MAF: variants seen among roughly 807,000 people sequenced by gnomAD.
The protein encoded by MAF is MAF bZIP transcription factor.
MAF carries 10 observed loss-of-function variants against 22.0 expected under a neutral mutation model. That is an observed-to-expected ratio of 0.45 (90% confidence interval 0.28 to 0.77). The LOEUF is 0.77. Ranked by LOEUF, MAF falls within the 30% of genes least tolerant of loss-of-function variation. MAF has a pLI of 0.12. For missense variants in MAF, 544 were observed against 548.4 expected, an observed-to-expected ratio of 0.99 and a Z score of 0.08; for synonymous variants, 337 against 255.8, an observed-to-expected ratio of 1.32 and a Z score of -3.03.
chr16:79,336,274 C>G, the MAF span, among the ~76,000 whole-genome samples: 1 of 152,334 alleles, frequency 6.6e-6, no homozygotes, highest in African/African-American at 2.4e-5. Flanking sequence ...TTCTTTTGAG[C>G]TTCACAACCA....
chr16:79,317,946 TCA>T, the MAF span, among the ~76,000 whole-genome samples: 1 of 151,372 alleles, frequency 6.6e-6, no homozygotes, highest in Non-Finnish European at 1.5e-5. Flanking sequence ...ACTCACTCAC[TCA>T]CTCACTCACT....
chr16:79,359,992 T>A, the MAF span, among the ~76,000 whole-genome samples: 2 of 152,088 alleles, frequency 1.3e-5, no homozygotes, highest in South Asian at 4.2e-4. Context: ...AGTATTGTTC[T>A]GAGTAGGACC....
chr16:79,292,700 G>A, the MAF span, among the ~76,000 whole-genome samples: 7 of 152,146 alleles, frequency 4.6e-5, no homozygotes, highest in Non-Finnish European at 1.0e-4. Context: ...TGAGATACAA[G>A]GTTAGCACAA....
chr16:79,401,189 C>A, the MAF span, among the ~76,000 whole-genome samples: 1 of 152,234 alleles, frequency 6.6e-6, no homozygotes, highest in African/African-American at 2.4e-5. Context: ...ACTGCCTATT[C>A]TCCCGCGTGG....
the MAF span, among the ~76,000 whole-genome samples, chr16:79,543,096 G>A: frequency 8.5e-5 from 13 of 152,196 alleles, no homozygotes; most frequent in African/African-American, 2.4e-4. Context: ...ATCATTTTGA[G>A]TTTTGCATTT....
chr16:79,475,162 C>A, the MAF span, among the ~76,000 whole-genome samples: 27 of 152,180 alleles, frequency 1.8e-4, no homozygotes, highest in African/African-American at 6.5e-4. Context: ...ATAATAAACA[C>A]AAACTCGAGT....
the MAF span, among the ~76,000 whole-genome samples, chr16:79,348,260 A>G: frequency 2.0e-5 from 3 of 152,242 alleles, no homozygotes; most frequent in South Asian, 6.2e-4. Flanking sequence ...CCTCCAGTGC[A>G]AGGCGGAGTA....
the MAF span, among the ~76,000 whole-genome samples, chr16:79,478,746 G>A: frequency 6.6e-6 from 1 of 152,006 alleles, no homozygotes; most frequent in Non-Finnish European, 1.5e-5. Context: ...ATACCTGGAT[G>A]TCATCCTAGT....
chr16:79,570,409 T>C, the MAF span, among the ~76,000 whole-genome samples: 2 of 152,182 alleles, frequency 1.3e-5, no homozygotes, highest in African/African-American at 2.4e-5. Flanking sequence ...CTATTCCCTA[T>C]AGCCCTGGAG....
At chr16:79,466,497 C>G in the MAF span, among the ~76,000 whole-genome samples, 1 of 152,128 alleles carries the variant, frequency 6.6e-6, no homozygotes, top group Admixed American at 6.5e-5. Flanking sequence ...TAAAAAGAAT[C>G]CTGAATTAGA....
the MAF span, among the ~76,000 whole-genome samples, chr16:79,313,425 C>T: frequency 6.6e-6 from 1 of 152,120 alleles, no homozygotes; most frequent in African/African-American, 2.4e-5. Flanking sequence ...TGACCAGGTC[C>T]ATGATGTTGA....
At chr16:79,241,619 T>G in the MAF span, among the ~76,000 whole-genome samples, 2 of 151,974 alleles carry the variant, frequency 1.3e-5, no homozygotes, top group Non-Finnish European at 2.9e-5. Flanking sequence ...AAAACACTCT[T>G]CAGGATATCA....
At chr16:79,549,978 C>G in the MAF span, among the ~76,000 whole-genome samples, 1 of 152,206 alleles carries the variant, frequency 6.6e-6, no homozygotes, top group Non-Finnish European at 1.5e-5. Flanking sequence ...GACAATCTAT[C>G]TAGCCTTGGT....
chr16:79,258,629 G>T, the MAF span, among the ~76,000 whole-genome samples: 1 of 152,198 alleles, frequency 6.6e-6, no homozygotes, highest in Non-Finnish European at 1.5e-5. Context: ...GCCCTCAACA[G>T]GCTTTGGGGA....
chr16:79,426,243 GAAA>G, the MAF span, among the ~76,000 whole-genome samples: 1 of 152,062 alleles, frequency 6.6e-6, no homozygotes. Context: ...CACTGAGGTG[GAAA>G]ATACATGCCG....
At chr16:79,234,304 C>T in the MAF span, among the ~76,000 whole-genome samples, 2 of 151,962 alleles carry the variant, frequency 1.3e-5, no homozygotes. Flanking sequence ...TTTCAAAGAC[C>T]CCAGAGATGT....
chr16:79,463,302 T>G, the MAF span, among the ~76,000 whole-genome samples: 2 of 152,228 alleles, frequency 1.3e-5, no homozygotes, highest in African/African-American at 4.8e-5. Flanking sequence ...TGGATGGTTT[T>G]AAGTCACATA....
chr16:79,494,805 A>G, the MAF span, among the ~76,000 whole-genome samples: 18 of 152,326 alleles, frequency 1.2e-4, no homozygotes, highest in African/African-American at 4.3e-4. Context: ...GACATCAGTC[A>G]TAAGTCTGGG....
At chr16:79,448,020 G>T in the MAF span, among the ~76,000 whole-genome samples, 1 of 151,920 alleles carries the variant, frequency 6.6e-6, no homozygotes, top group African/African-American at 2.4e-5. Context: ...AAAAGAAAGT[G>T]TCTTCCTGAG....
Sources: gnomAD v4.1 joint callset for allele counts (sites outside exome capture counted in the v4.1 genomes callset) on GRCh38, gnomAD v4.1.1 for gene constraint, MANE v1.5 for transcripts, NCBI Gene and HGNC (gene_info 2026-07-23, HGNC 2026-07-21) for gene names.